FIGN: variants seen among roughly 807,000 people sequenced by gnomAD.
FIGN encodes fidgetin, microtubule severing factor, also known as fidgetin.
Under a neutral mutation model 51.3 loss-of-function variants are expected in FIGN, and 11 were observed. The ratio of observed to expected loss-of-function variants is 0.21; its 90% CI spans 0.13 to 0.35. The LOEUF is 0.35. FIGN is among the 10% of genes least tolerant of loss of function. The pLI is 1.00. For synonymous variants in FIGN, 407 were observed against 363.2 expected, an observed-to-expected ratio of 1.12 and a Z score of -1.37; for missense variants, 857 against 943.6, an observed-to-expected ratio of 0.91 and a Z score of 1.20.
chr2:163,682,350 G>A (rs1010066533), intron 2 of FIGN, among the ~76,000 whole-genome samples: 1 of 152,224 alleles, frequency 6.6e-6, no homozygotes, highest in East Asian at 1.9e-4. Flanking sequence ...ATTAGCAGGA[G>A]CATAAAATAA....
intron 2 of FIGN, among the ~76,000 whole-genome samples, chr2:163,733,368 A>G (rs1684961619): frequency 6.6e-6 from 1 of 152,224 alleles, no homozygotes; most frequent in Non-Finnish European, 1.5e-5. Context: ...TTAAGTATCA[A>G]TACGGTGAAC....
At chr2:163,653,824 A>G (rs538158058) in intron 2 of FIGN, among the ~76,000 whole-genome samples, 1 of 152,208 alleles carries the variant, frequency 6.6e-6, no homozygotes, top group South Asian at 2.1e-4. Context: ...GACTTTTTTT[A>G]AAAAACTTTT....
At chr2:163,723,172 C>T (rs1684786495) in intron 2 of FIGN, among the ~76,000 whole-genome samples, 1 of 151,672 alleles carries the variant, frequency 6.6e-6, no homozygotes, top group Non-Finnish European at 1.5e-5. Flanking sequence ...GCCTGGGTGA[C>T]AGAGCAAGAC....
rs1371069905 is a variant in FIGN at position 163,608,401 on chromosome 2, C to T, written c.*1151G>A. 1.3e-5 allele frequency: 2 copies of T among 152,714 alleles called. No homozygotes were observed. Among genetic ancestry groups the T allele is most frequent in the African/African-American group, 4.8e-5 (2 of 41,552 alleles). The allele number at this position is 152,714 out of a possible 1,614,324, so 9.5% of individuals were successfully genotyped here. A position where few individuals can be genotyped will look rare whatever the true frequency, so the allele number is the denominator to read the frequency against. ...GATTAGTGAATAGAATGACACCATT[C>T]CCAGCAGTTTTAAGAGATAACTTGC... On this transcript the variant is annotated 3_prime_UTR_variant, in exon 3 of 3. Transcript: ENST00000333129.
chr2:163,637,667 CTT>C lies in FIGN; in HGVS notation c.26-25863_26-25862del, dbSNP rs567105298. Among the ~76,000 whole-genome samples, 231 of 145,658 alleles carry C rather than the reference CTT, an allele frequency of 1.6e-3. 1 individual carries two copies. The highest frequency in any genetic ancestry group is 5.3e-3 in the African/African-American group (212 of 40,096). On this transcript the variant is annotated intron_variant, in intron 2 of 2. Transcript: ENST00000333129. ...AAGAGTGAATTCAGTAATTATTTAA[CTT>C]TTTTTTTTTTTGCTATTAGAATGTG...
intron 2 of FIGN, among the ~76,000 whole-genome samples, chr2:163,705,169 T>C (rs948368640): frequency 3.9e-5 from 6 of 152,194 alleles, no homozygotes; most frequent in African/African-American, 1.2e-4. Context: ...TTAATACACA[T>C]GTGAATTTGA....
chr2:163,722,555 T>G (rs1452528442), intron 2 of FIGN, among the ~76,000 whole-genome samples: 1 of 152,154 alleles, frequency 6.6e-6, no homozygotes, highest in Non-Finnish European at 1.5e-5. Context: ...AAAAAAATAT[T>G]TCATGGAGAA....
chr2:163,715,326 T>G (rs1388654163), intron 2 of FIGN, among the ~76,000 whole-genome samples: 1 of 152,192 alleles, frequency 6.6e-6, no homozygotes, highest in Non-Finnish European at 1.5e-5. Flanking sequence ...GAGGGGGGAT[T>G]TGAACTCACA....
At chr2:163,688,845 T>C (rs1364685836) in intron 2 of FIGN, among the ~76,000 whole-genome samples, 1 of 152,140 alleles carries the variant, frequency 6.6e-6, no homozygotes, top group African/African-American at 2.4e-5. Context: ...GTATAACAAT[T>C]ATTTGTAAAG....
intron 2 of FIGN, among the ~76,000 whole-genome samples, chr2:163,674,674 G>A (rs1279155687): frequency 6.6e-6 from 1 of 152,158 alleles, no homozygotes; most frequent in Admixed American, 6.5e-5. Flanking sequence ...TTTTATATAA[G>A]CAAATCTTGA....
At chr2:163,733,560 GA>G (rs1054399518) in intron 2 of FIGN, among the ~76,000 whole-genome samples, 2 of 152,090 alleles carry the variant, frequency 1.3e-5, no homozygotes, top group Admixed American at 6.5e-5. Flanking sequence ...AGCTCCGGGG[GA>G]AAAAAAGCTG....
intron 2 of FIGN, among the ~76,000 whole-genome samples, chr2:163,702,987 T>C (rs1022132126): frequency 7.9e-5 from 12 of 152,126 alleles, no homozygotes; most frequent in African/African-American, 2.4e-4. Flanking sequence ...CCTGAACAGG[T>C]TGAGCAAGGT....
chr2:163,733,542 G>C (rs570649568), intron 2 of FIGN, among the ~76,000 whole-genome samples: 2 of 152,254 alleles, frequency 1.3e-5, no homozygotes, highest in South Asian at 2.1e-4. Context: ...AATCCCATTC[G>C]CTCCAACAGC....
intron 2 of FIGN, chr2:163,617,247 A>G: frequency 1.0e-6 from 1 of 984,530 alleles, no homozygotes. Flanking sequence ...ATTTTTACCT[A>G]ATTTTGTTCC....
intron 2 of FIGN, among the ~76,000 whole-genome samples, chr2:163,661,086 G>A (rs1325671297): frequency 6.8e-5 from 10 of 147,856 alleles, no homozygotes; most frequent in African/African-American, 1.2e-4. Context: ...GTTTCACCAT[G>A]TTGGCCAAGC....
intron 2 of FIGN, among the ~76,000 whole-genome samples, chr2:163,702,125 A>G (rs957908922): frequency 6.6e-6 from 1 of 152,160 alleles, no homozygotes; most frequent in Non-Finnish European, 1.5e-5. Context: ...CAGTTTTCAC[A>G]TATGTAATCA....
intron 2 of FIGN, among the ~76,000 whole-genome samples, chr2:163,644,688 T>C (rs186693679): frequency 6.6e-6 from 1 of 152,168 alleles, no homozygotes; most frequent in Non-Finnish European, 1.5e-5. Flanking sequence ...CAAATATTCA[T>C]CAACCTAGGA....
intron 2 of FIGN, among the ~76,000 whole-genome samples, chr2:163,637,962 T>C (rs1683251523): frequency 6.6e-6 from 1 of 152,094 alleles, no homozygotes; most frequent in Non-Finnish European, 1.5e-5. Context: ...CAATAGACAG[T>C]CATCTGCAAA....
intron 2 of FIGN, among the ~76,000 whole-genome samples, chr2:163,632,389 A>G (rs1262837329): frequency 6.6e-6 from 1 of 152,156 alleles, no homozygotes; most frequent in Non-Finnish European, 1.5e-5. Flanking sequence ...CTACCATCCC[A>G]TAGCATAAAG....
Sources: gnomAD v4.1 joint callset for allele counts (sites outside exome capture counted in the v4.1 genomes callset) on GRCh38, gnomAD v4.1.1 for gene constraint, MANE v1.5 for transcripts, NCBI Gene and HGNC (gene_info 2026-07-23, HGNC 2026-07-21) for gene names.